The following VWA2 variants were observed in gnomAD, a reference collection of about 807,000 sequenced individuals.
VWA2 encodes von Willebrand factor A domain containing 2.
In VWA2, 73 loss-of-function variants were observed where a neutral mutation model predicts 70.4. The observed-to-expected ratio is 1.04, with a 90% CI of 0.86 to 1.26. VWA2 has a LOEUF of 1.26. Ranked by LOEUF, VWA2 falls within the 50% of genes most tolerant of loss-of-function variation. The pLI, the probability that VWA2 is intolerant of heterozygous loss-of-function variation, is 0.00. For synonymous variants in VWA2, 407 were observed against 423.3 expected (o/e 0.96, Z 0.47); for missense variants, 1,011 against 998.5 (o/e 1.01, Z -0.17).
intron 2 of VWA2, among the ~76,000 whole-genome samples, chr10:114,249,417 G>A (rs2037147652): frequency 1.3e-5 from 2 of 152,000 alleles, no homozygotes; most frequent in Admixed American, 6.6e-5. Context: ...CACCACACCC[G>A]GCTAATTTTT....
Position 114,291,231 on chromosome 10 carries a change from C to A in VWA2, c.2262C>A (p.Arg754=), listed in dbSNP as rs189946618. 30 of 1,550,364 alleles carry A rather than the reference C, an allele frequency of 1.9e-5. No homozygotes were observed. The highest frequency in any genetic ancestry group is 2.6e-5 in the Non-Finnish European group (30 of 1,146,938). The part of the protein sequence containing the change: ...GPHCENRFLR[R]P ...TTCCTTCCCCAGGATTCTTGAGACG[C>A]CCCTGAGGCACATGGCTCCCGTGCA... The change falls in exon 14 of 14, where the codon CGC becomes CGA. Residue 754 remains arginine, a synonymous_variant. Transcript: ENST00000392982.
intron 3 of VWA2, 24 bp from the exon 4 acceptor site, chr10:114,254,891 A>ATCTG: frequency 3.1e-6 from 5 of 1,603,990 alleles, no homozygotes; most frequent in Non-Finnish European, 4.3e-6. Context: ...CCTGGTTGTC[A>ATCTG]TCTGTCTGTC....
At chr10:114,277,812 T>C (rs944786561) in intron 6 of VWA2, 102 bp from the exon 7 acceptor site, 18 of 1,416,152 alleles carry the variant, frequency 1.3e-5, no homozygotes, top group Non-Finnish European at 1.6e-5. Flanking sequence ...AACCAGACAC[T>C]AAATCTGTGC....
chr10:114,275,922 C>T (rs900201805), intron 6 of VWA2, among the ~76,000 whole-genome samples: 2 of 151,816 alleles, frequency 1.3e-5, no homozygotes, highest in African/African-American at 4.8e-5. Flanking sequence ...AGGGTGACTC[C>T]GTCTCATAAA....
At chr10:114,256,712 C>A (rs888991307) in intron 4 of VWA2, among the ~76,000 whole-genome samples, 1 of 151,976 alleles carries the variant, frequency 6.6e-6, no homozygotes, top group Admixed American at 6.5e-5. Flanking sequence ...AGATTGAGAC[C>A]GTCCTGGCTA....
rs188275378 is a variant in VWA2 at position 114,253,540 on chromosome 10, A to G, written c.53-111A>G. 1.0e-5 allele frequency: 9 copies of G among 896,878 alleles called. No homozygotes were observed. The African/African-American group carries it at 1.2e-4, about 12-fold the overall frequency. 55.6% of individuals were successfully genotyped at this position (896,878 alleles called of 1,614,324 possible). On this transcript the variant is annotated intron_variant, in intron 2 of 13. Coordinates refer to ENST00000392982, the MANE Select transcript of VWA2 (RefSeq NM_001272046.2). Reference sequence around the variant, plus strand: ...GAGATGCAAGAATCATCACTCCCCCACATTCTAGGTTTCTCTGATGTTACC... The same window carrying G: ...GAGATGCAAGAATCATCACTCCCCCGCATTCTAGGTTTCTCTGATGTTACC...
At chr10:114,240,314 C>T (rs2036953324) in intron 1 of VWA2, among the ~76,000 whole-genome samples, 2 of 152,200 alleles carry the variant, frequency 1.3e-5, no homozygotes, top group Non-Finnish European at 2.9e-5. Context: ...CCTTGGCCAC[C>T]TGCTGGGACG....
At chr10:114,290,413 G>A (rs568182989) in intron 13 of VWA2, 48 bp downstream of exon 13, 419 of 1,544,234 alleles carry the variant, frequency 2.7e-4, no homozygotes, top group Non-Finnish European at 3.5e-4. Context: ...ATGGTATTGC[G>A]AGTCCTGCCA....
At chr10:114,251,350 A>C (rs527830017) in intron 2 of VWA2, among the ~76,000 whole-genome samples, 1 of 152,346 alleles carries the variant, frequency 6.6e-6, no homozygotes, top group Admixed American at 6.5e-5. Flanking sequence ...AGGTGGGCTC[A>C]TCTGAAGCCT....
intron 3 of VWA2, 97 bp from the exon 4 acceptor site, chr10:114,254,818 A>G: frequency 2.6e-6 from 4 of 1,516,838 alleles, no homozygotes; most frequent in Non-Finnish European, 3.6e-6. Context: ...GAGGGACAGC[A>G]GCCTGGCCCA....
chr10:114,288,834 A>G, intron 11 of VWA2, 104 bp from the exon 12 acceptor site: 1 of 1,198,722 alleles, frequency 8.3e-7, no homozygotes, highest in East Asian at 2.4e-5. Flanking sequence ...TGAACAGAGC[A>G]CCCTGGCTGA....
intron 1 of VWA2, among the ~76,000 whole-genome samples, chr10:114,244,633 T>C (rs1196525678): frequency 6.6e-6 from 1 of 151,274 alleles, no homozygotes; most frequent in Non-Finnish European, 1.5e-5. Flanking sequence ...ATTCACCCTT[T>C]AAAAAAAAAG....
rs767464934 is a variant in VWA2 at position 114,293,362 on chromosome 10, G to A, written c.*2125G>A. Among the ~76,000 whole-genome samples, 10 of 152,226 alleles carry A rather than the reference G, an allele frequency of 6.6e-5. No individual in the cohort carries two copies. The highest frequency in any genetic ancestry group is 3.4e-3 in the Middle Eastern group (1 of 294). On this transcript the variant is annotated 3_prime_UTR_variant, in exon 14 of 14. Transcript: ENST00000392982. ...TAATGTAGGCTTTTTGTCTTGTTCC[G>A]GGCTGGTATTTGGGTGCCCTGATTG... is the stretch of plus-strand genomic sequence containing the variant.
At chr10:114,254,234 G>A (rs886320979) in intron 3 of VWA2, among the ~76,000 whole-genome samples, 2 of 151,806 alleles carry the variant, frequency 1.3e-5, no homozygotes, top group African/African-American at 4.8e-5. Flanking sequence ...ACCACGCCTA[G>A]CTAGTTTTTG....
chr10:114,249,476 G>C (rs1418245906), intron 2 of VWA2, among the ~76,000 whole-genome samples: 3 of 152,130 alleles, frequency 2.0e-5, no homozygotes, highest in Non-Finnish European at 4.4e-5. Context: ...GGCTGGTCTT[G>C]AACTCCTGAC....
intron 12 of VWA2, 91 bp from the exon 13 acceptor site, chr10:114,290,149 C>A: frequency 6.7e-7 from 1 of 1,497,118 alleles, no homozygotes; most frequent in South Asian, 1.3e-5. Context: ...CTCTAGTAGC[C>A]TTGCACCTCT....
In VWA2 at chr10:114,248,684, C is replaced by A. The variant is rs373085248; in HGVS notation, c.-10-20C>A. ...AGAACTAATTGCTGATACTTTCTTT[C>A]TTTTCCTGTGTCCCTGTAGTTATAT... On this transcript the variant is annotated intron_variant, in intron 1 of 13. Coordinates refer to ENST00000392982, the MANE Select transcript of VWA2 (RefSeq NM_001272046.2). The A allele has an allele frequency of 2.2e-5, 35 of 1,607,360 alleles. No homozygotes were observed. The African/African-American group carries it at 4.2e-4, about 19-fold the overall frequency.
At chr10:114,251,069 T>C (rs1280400230) in intron 2 of VWA2, among the ~76,000 whole-genome samples, 2 of 152,230 alleles carry the variant, frequency 1.3e-5, no homozygotes, top group Non-Finnish European at 2.9e-5. Flanking sequence ...AAGATAAGAA[T>C]GTACAAAAGT....
chr10:114,269,380 A>G (rs538568874), intron 5 of VWA2, among the ~76,000 whole-genome samples: 27 of 152,274 alleles, frequency 1.8e-4, no homozygotes, highest in African/African-American at 6.3e-4. Context: ...CAGGAGTTTG[A>G]GACCAGCCTG....
Sources: allele counts gnomAD v4.1 joint callset (sites outside exome capture counted in the v4.1 genomes callset), GRCh38; gene constraint gnomAD v4.1.1; transcripts MANE v1.5; gene names NCBI Gene and HGNC (gene_info 2026-07-23, HGNC 2026-07-21).